LRMDA: variants seen among roughly 807,000 people sequenced by gnomAD.
The protein encoded by LRMDA is leucine-rich melanocyte differentiation-associated protein.
In LRMDA, 18 loss-of-function variants were observed where a neutral mutation model predicts 29.8. The observed-to-expected ratio is 0.60, with a 90% CI of 0.42 to 0.90. The LOEUF (loss-of-function observed/expected upper bound fraction) is 0.90. LRMDA is among the 40% of genes least tolerant of loss of function. The probability of loss-of-function intolerance (pLI) is 0.00; values close to 1 mark genes in which losing one functional copy is unlikely to be tolerated. For missense variants in LRMDA, 273 were observed against 273.9 expected (o/e 1.00, Z 0.02); for synonymous variants, 125 against 109.4 (o/e 1.14, Z -0.89).
At chr10:75,459,211 C>T (rs1844556977) in intron 2 of LRMDA, among the ~76,000 whole-genome samples, 1 of 152,146 alleles carries the variant, frequency 6.6e-6, no homozygotes, top group Non-Finnish European at 1.5e-5. Context: ...GAGGCTGAGG[C>T]TCACTTGAGG....
At chr10:75,468,727 A>G (rs1844687953) in intron 2 of LRMDA, among the ~76,000 whole-genome samples, 1 of 152,008 alleles carries the variant, frequency 6.6e-6, no homozygotes, top group Non-Finnish European at 1.5e-5. Context: ...GGGTGGGAAG[A>G]GAATGCCAAG....
At chr10:75,654,299 A>G (rs1589147609) in intron 2 of LRMDA, among the ~76,000 whole-genome samples, 1 of 152,190 alleles carries the variant, frequency 6.6e-6, no homozygotes, top group Non-Finnish European at 1.5e-5. Flanking sequence ...GAGACATTAC[A>G]TCTTTACAAG....
intron 2 of LRMDA, among the ~76,000 whole-genome samples, chr10:75,764,136 T>G (rs1843131274): frequency 6.6e-6 from 1 of 152,184 alleles, no homozygotes; most frequent in East Asian, 1.9e-4. Context: ...AGCCTCTCCC[T>G]TTCTAGCTCT....
chr10:75,833,528 T>A (rs1247797370), intron 2 of LRMDA, among the ~76,000 whole-genome samples: 1 of 152,184 alleles, frequency 6.6e-6, no homozygotes, highest in Non-Finnish European at 1.5e-5. Context: ...ATAACACAGC[T>A]GTATTCTCCT....
intron 5 of LRMDA, among the ~76,000 whole-genome samples, chr10:76,264,853 G>A (rs1051213796): frequency 1.3e-5 from 2 of 152,162 alleles, no homozygotes; most frequent in African/African-American, 4.8e-5. Context: ...ATTTCTATGT[G>A]CAGTTCAGTA....
chr10:76,318,928 G>C (rs1029077998), intron 5 of LRMDA: 3 of 151,682 alleles, frequency 2.0e-5, no homozygotes, highest in African/African-American at 7.3e-5. Flanking sequence ...TTGTTTGTTT[G>C]AGACAGAGTC....
intron 2 of LRMDA, among the ~76,000 whole-genome samples, chr10:75,572,110 C>T (rs553099901): frequency 1.3e-5 from 2 of 152,148 alleles, no homozygotes; most frequent in African/African-American, 4.8e-5. Context: ...CACACCACCA[C>T]GCCCAGCTAA....
chr10:75,830,546 G>A (rs775360980), intron 2 of LRMDA, among the ~76,000 whole-genome samples: 10 of 151,162 alleles, frequency 6.6e-5, no homozygotes, highest in Non-Finnish European at 1.0e-4. Context: ...AGCAGGCAAA[G>A]AGAGGGCTTG....
At chr10:75,733,320 C>G (rs1056522758) in intron 2 of LRMDA, among the ~76,000 whole-genome samples, 1 of 152,176 alleles carries the variant, frequency 6.6e-6, no homozygotes, top group Non-Finnish European at 1.5e-5. Context: ...CTGTGTTTTA[C>G]CATCCAAGAA....
chr10:76,170,433 A>T (rs1564673942), intron 5 of LRMDA, among the ~76,000 whole-genome samples: 2 of 152,154 alleles, frequency 1.3e-5, no homozygotes, highest in African/African-American at 4.8e-5. Context: ...GTTTACAGTA[A>T]ATATTGGCTA....
At chr10:75,484,256 C>T (rs4614379) in intron 2 of LRMDA, among the ~76,000 whole-genome samples, 121,852 of 152,098 alleles carry the variant, frequency 0.8, 49,590 homozygotes, top group Non-Finnish European at 0.87. Flanking sequence ...GCACCTGGCC[C>T]TTCCCAGATT....
At chr10:75,557,775 G>A (rs749710486) in intron 2 of LRMDA, among the ~76,000 whole-genome samples, 8 of 152,094 alleles carry the variant, frequency 5.3e-5, no homozygotes, top group African/African-American at 7.2e-5. Context: ...CTCTGTTTTC[G>A]CTAAGCTCTT....
At chr10:76,513,429 A>G (rs1169094010) in intron 6 of LRMDA, among the ~76,000 whole-genome samples, 1 of 152,036 alleles carries the variant, frequency 6.6e-6, no homozygotes, top group Non-Finnish European at 1.5e-5. Flanking sequence ...TTTAAATTTG[A>G]CGGTTGCTGG....
At chr10:75,579,245 C>T (rs1270264977) in intron 2 of LRMDA, among the ~76,000 whole-genome samples, 1 of 152,128 alleles carries the variant, frequency 6.6e-6, no homozygotes, top group Non-Finnish European at 1.5e-5. Flanking sequence ...GGGATATCAC[C>T]ACTGATCCCA....
intron 2 of LRMDA, among the ~76,000 whole-genome samples, chr10:75,949,695 A>G (rs753201454): frequency 1.3e-5 from 2 of 152,144 alleles, no homozygotes; most frequent in African/African-American, 2.4e-5. Flanking sequence ...GGAGCTTGTG[A>G]TGATCTACCT....
At chr10:75,587,751 C>T (rs1218042666) in intron 2 of LRMDA, among the ~76,000 whole-genome samples, 1 of 152,332 alleles carries the variant, frequency 6.6e-6, no homozygotes, top group East Asian at 1.9e-4. Flanking sequence ...AGATGGGTGG[C>T]CCCAATCTAA....
intron 2 of LRMDA, among the ~76,000 whole-genome samples, chr10:75,851,459 T>C (rs901033635): frequency 3.9e-5 from 6 of 152,180 alleles, no homozygotes; most frequent in Non-Finnish European, 7.3e-5. Context: ...GCAATACCCC[T>C]GATAAAACTC....
chr10:75,939,449 TA>T (rs572219468), intron 2 of LRMDA, among the ~76,000 whole-genome samples: 62 of 152,294 alleles, frequency 4.1e-4, no homozygotes, highest in African/African-American at 1.4e-3. Flanking sequence ...AGAAAAGGCA[TA>T]TCTGCTCTGT....
At chr10:75,677,140 G>A (rs1256837642) in intron 2 of LRMDA, among the ~76,000 whole-genome samples, 1 of 152,146 alleles carries the variant, frequency 6.6e-6, no homozygotes, top group Non-Finnish European at 1.5e-5. Flanking sequence ...ATGGGAATAG[G>A]GCCAGTGCCC....
Sources: allele counts gnomAD v4.1 joint callset (sites outside exome capture counted in the v4.1 genomes callset), GRCh38; gene constraint gnomAD v4.1.1; transcripts MANE v1.5; gene names NCBI Gene and HGNC (gene_info 2026-07-23, HGNC 2026-07-21).